KYNU: variants seen among roughly 807,000 people sequenced by gnomAD.
KYNU encodes kynureninase.
Under a neutral mutation model 59.2 loss-of-function variants are expected in KYNU, and 54 were observed. The ratio of observed to expected loss-of-function variants is 0.91; its 90% CI spans 0.73 to 1.14. The LOEUF (loss-of-function observed/expected upper bound fraction) is 1.14, where lower values mean the gene tolerates loss of function less well. Among genes scored for constraint, KYNU ranks in the 50% most tolerant of loss-of-function variants. KYNU has a pLI of 0.00. For missense variants in KYNU, 567 were observed against 554.4 expected, an observed-to-expected ratio of 1.02 and a Z score of -0.23; for synonymous variants, 177 against 192.0, an observed-to-expected ratio of 0.92 and a Z score of 0.65.
intron 10 of KYNU, among the ~76,000 whole-genome samples, chr2:143,021,934 A>C (rs1031371063): frequency 6.6e-6 from 1 of 152,160 alleles, no homozygotes; most frequent in Non-Finnish European, 1.5e-5. Flanking sequence ...GGTCTTGAAC[A>C]CTTTTTTGGT....
intron 10 of KYNU, among the ~76,000 whole-genome samples, chr2:142,991,548 C>G (rs1217130127): frequency 1.3e-5 from 2 of 151,822 alleles, no homozygotes; most frequent in African/African-American, 4.8e-5. Context: ...GACTTTCCAG[C>G]TACAACTTCT....
intron 10 of KYNU, among the ~76,000 whole-genome samples, chr2:142,993,394 G>A (rs541962766): frequency 6.3e-4 from 96 of 151,932 alleles, no homozygotes; most frequent in Non-Finnish European, 1.1e-3. Context: ...TGGTAAAATC[G>A]TGATTGCTTT....
rs572846270 is a variant in KYNU, at chr2:142,978,808, A to G, written c.730-6276A>G. Among the ~76,000 whole-genome samples the G allele has an allele frequency of 5.9e-5, 9 of 152,234 alleles. No homozygotes were observed. In the East Asian group the frequency reaches 1.5e-3, roughly 26 times the overall value. On this transcript the variant is annotated intron_variant, in intron 8 of 13. Transcript: ENST00000264170. Reference sequence around the variant, plus strand: ...AAATATCTTATCTTGTATAAGTACTATTTTTCATACCAAATTTGCTAATTA... The same window carrying G: ...AAATATCTTATCTTGTATAAGTACTGTTTTTCATACCAAATTTGCTAATTA...
intron 4 of KYNU, among the ~76,000 whole-genome samples, chr2:142,940,733 T>C (rs1683568018): frequency 6.6e-6 from 1 of 152,316 alleles, no homozygotes; most frequent in Non-Finnish European, 1.5e-5. Context: ...AGTAATATAA[T>C]TTATATTCTG....
chr2:143,029,480 A>C (rs1336067826), intron 10 of KYNU, 147 bp from the exon 11 acceptor site: 4 of 651,292 alleles, frequency 6.1e-6, no homozygotes. Context: ...CAGCTACTTG[A>C]GAGGCTAAGG....
At chr2:142,998,494 ATTTC>A (rs958134305) in intron 10 of KYNU, among the ~76,000 whole-genome samples, 4 of 152,098 alleles carry the variant, frequency 2.6e-5, no homozygotes, top group Non-Finnish European at 5.9e-5. Context: ...TGAAATAATC[ATTTC>A]TTTATTTGCT....
intron 5 of KYNU, 37 bp from the exon 6 acceptor site, chr2:142,956,166 G>T: frequency 1.8e-6 from 2 of 1,096,260 alleles, no homozygotes; most frequent in Non-Finnish European, 1.4e-6. Flanking sequence ...TATAAATTGT[G>T]TATTAATGCT....
rs1402987258 is a variant in KYNU at position 143,055,154 on chromosome 2, G to T, written c.*12982G>T. ...TTCTTCTATGGCTGCTATAACAAATGACCAAAAAACATAGTGACTGAAAAT... is the reference window on the plus strand; with the variant it reads ...TTCTTCTATGGCTGCTATAACAAATTACCAAAAAACATAGTGACTGAAAAT... On this transcript the variant is annotated 3_prime_UTR_variant, in exon 14 of 14. Coordinates refer to ENST00000264170, the MANE Select transcript of KYNU (RefSeq NM_003937.3). The T allele has an allele frequency of 1.3e-5, 2 of 152,176 alleles. No individual in the cohort carries two copies. Among genetic ancestry groups the T allele is most frequent in the Admixed American group, 1.3e-4 (2 of 15,280 alleles). 9.4% of individuals were successfully genotyped at this position (152,176 alleles called of 1,614,324 possible).
rs572821225 is a variant in KYNU, at chr2:142,879,642, C to T, written c.-20+1906C>T. The T allele has an allele frequency of 9.6e-4, 146 of 152,336 alleles. 1 individual carries two copies. The Middle Eastern group carries it at 0.014, about 14-fold the overall frequency. The allele number at this position is 152,336 out of a possible 1,614,324, so 9.4% of individuals were successfully genotyped here. Reference sequence around the variant, plus strand: ...TCATGGGCTTTGCCAAAGACCAGCACAATGGACTCAGCATCTCAGGCATGG... The same window carrying T: ...TCATGGGCTTTGCCAAAGACCAGCATAATGGACTCAGCATCTCAGGCATGG... On this transcript the variant is annotated intron_variant, in intron 1 of 13. Coordinates refer to ENST00000264170, the MANE Select transcript of KYNU (RefSeq NM_003937.3).
intron 6 of KYNU, among the ~76,000 whole-genome samples, chr2:142,957,172 T>A (rs1393056583): frequency 6.6e-6 from 1 of 152,116 alleles, no homozygotes; most frequent in Admixed American, 6.6e-5. Context: ...AATCCTAATA[T>A]CTACAAAAGA....
intron 4 of KYNU, chr2:142,947,434 G>A: frequency 2.0e-6 from 1 of 489,208 alleles, no homozygotes; most frequent in East Asian, 3.3e-5. Context: ...GCGCTTCCCT[G>A]GATATTGCTG....
chr2:142,957,497 G>A (rs1684206224), intron 6 of KYNU, 144 bp from the exon 7 acceptor site: 1 of 627,986 alleles, frequency 1.6e-6, no homozygotes, highest in Non-Finnish European at 2.8e-6. Flanking sequence ...GTTCTTCTCT[G>A]TTGTGTATTT....
intron 8 of KYNU, among the ~76,000 whole-genome samples, chr2:142,970,689 T>C (rs1230336896): frequency 6.6e-6 from 1 of 152,330 alleles, no homozygotes; most frequent in South Asian, 2.1e-4. Flanking sequence ...TACTTGAATT[T>C]CCTGCATCGT....
chr2:142,999,111 A>G (rs1685635334), intron 10 of KYNU, among the ~76,000 whole-genome samples: 1 of 151,200 alleles, frequency 6.6e-6, no homozygotes, highest in Non-Finnish European at 1.5e-5. Context: ...ACCCGGAAGT[A>G]GTCTGGAGAA....
chr2:142,906,330 T>G (rs1682296142), intron 2 of KYNU, among the ~76,000 whole-genome samples: 1 of 152,184 alleles, frequency 6.6e-6, no homozygotes. Context: ...AAGATTGTAT[T>G]GAAGATTGCA....
intron 4 of KYNU, among the ~76,000 whole-genome samples, chr2:142,936,058 G>A (rs2105036392): frequency 6.6e-6 from 1 of 152,260 alleles, no homozygotes; most frequent in East Asian, 1.9e-4. Context: ...GGTAGTGGCT[G>A]GGAGGCATGG....
chr2:142,931,203 C>T (rs532168303), intron 4 of KYNU, among the ~76,000 whole-genome samples: 2 of 152,344 alleles, frequency 1.3e-5, no homozygotes, highest in East Asian at 1.9e-4. Context: ...AGGAGTTATT[C>T]ATCTCCTTAA....
chr2:143,023,323 C>G (rs1481992498), intron 10 of KYNU, among the ~76,000 whole-genome samples: 1 of 151,798 alleles, frequency 6.6e-6, no homozygotes, highest in Admixed American at 6.6e-5. Context: ...TTGGATTATA[C>G]TCAGATACCA....
At chr2:143,040,925 C>A (rs1202026873) in intron 13 of KYNU, among the ~76,000 whole-genome samples, 4 of 151,950 alleles carry the variant, frequency 2.6e-5, no homozygotes, top group Admixed American at 2.0e-4. Context: ...ACAGTTTGGG[C>A]AGAAAAAAGT....
Sources: gnomAD v4.1 joint callset for allele counts (sites outside exome capture counted in the v4.1 genomes callset) on GRCh38, gnomAD v4.1.1 for gene constraint, MANE v1.5 for transcripts, NCBI Gene and HGNC (gene_info 2026-07-23, HGNC 2026-07-21) for gene names.